Variants in SHC3 observed in about 807,000 individuals in gnomAD.
The protein encoded by SHC3 is SHC-transforming protein 3.
A neutral mutation model predicts 60.4 loss-of-function variants in SHC3; 15 were observed. The observed-to-expected ratio is 0.25, with a 90% CI of 0.17 to 0.38. The LOEUF (loss-of-function observed/expected upper bound fraction) is 0.38, where lower values mean the gene tolerates loss of function less well. Among genes scored for constraint, SHC3 ranks in the 10% least tolerant of loss-of-function variants. The probability of loss-of-function intolerance (pLI) is 1.00; values close to 1 mark genes in which losing one functional copy is unlikely to be tolerated. For missense variants in SHC3, 677 were observed against 786.1 expected (o/e 0.86, Z 1.66); for synonymous variants, 294 against 325.9 (o/e 0.90, Z 1.05).
chr9:89,171,459 T>C (rs1826868049), intron 1 of SHC3, among the ~76,000 whole-genome samples: 1 of 152,224 alleles, frequency 6.6e-6, no homozygotes. Flanking sequence ...TTCATACGAG[T>C]TTAAATTCTT....
At chr9:89,050,177 G>T (rs536145049) in intron 7 of SHC3, among the ~76,000 whole-genome samples, 1 of 152,180 alleles carries the variant, frequency 6.6e-6, no homozygotes, top group Non-Finnish European at 1.5e-5. Flanking sequence ...GGTGTAGGGG[G>T]TATATGCTTG....
At chr9:89,084,657 CT>C (rs1325430748) in intron 2 of SHC3, among the ~76,000 whole-genome samples, 1 of 152,194 alleles carries the variant, frequency 6.6e-6, no homozygotes, top group Non-Finnish European at 1.5e-5. Context: ...CTTTAGAATT[CT>C]AACAGTTGGG....
chr9:89,019,150 A>C (rs1188108014), intron 11 of SHC3, among the ~76,000 whole-genome samples: 1 of 152,130 alleles, frequency 6.6e-6, no homozygotes, highest in Admixed American at 6.5e-5. Context: ...AGAACAAGAC[A>C]AGGATATTCC....
In SHC3 at chr9:89,038,047, C is replaced by G; in HGVS notation, c.1602G>C (p.Thr534=). 1.2e-6 allele frequency: 2 copies of G among 1,613,636 alleles called. No homozygotes were observed. Among genetic ancestry groups the G allele is most frequent in the Non-Finnish European group, 1.7e-6 (2 of 1,180,022 alleles). ...STTNPGSFVL[T]GMHNGQAKHL... ...GCTTGGCCTGGCCATTGTGCATGCC[C>G]GTGAGGACAAAGGAGCCCGGGTTGG... Residue 534 remains threonine (T), a synonymous_variant, in exon 11 of 12, where the codon ACG becomes ACC. Transcript: ENST00000375835.
chr9:89,075,520 G>A (rs189511246), intron 3 of SHC3, among the ~76,000 whole-genome samples: 2 of 152,330 alleles, frequency 1.3e-5, no homozygotes, highest in East Asian at 1.9e-4. Context: ...GCCCTGTTGG[G>A]AAGTGTCTCA....
chr9:89,042,137 G>A lies in SHC3; in HGVS notation c.1249C>T (p.Pro417Ser). 1 of 1,565,074 alleles carries A rather than the reference G, an allele frequency of 6.4e-7. No homozygotes were observed. The highest frequency in any genetic ancestry group is 8.6e-7 in the Non-Finnish European group (1 of 1,163,144). The change falls in exon 10 of 12, where the codon CCC becomes TCC. Residue 417 changes from proline (P) to serine (S), a missense_variant. Physicochemically the swap from Pro to Ser is moderately conservative, Grantham distance 74. Transcript: ENST00000375835. The stretch of plus-strand genomic sequence containing the variant: ...ACGTAGGTGGGTGCTTCTCCCGTGG[G>A]GGCCACGTGCAGTTTCCCTTCTGGC... ...STPEGKLHVA[P>S]TGEAPTYVNT...
chr9:89,077,730 C>T (rs1040131048), intron 3 of SHC3, 110 bp downstream of exon 3: 20 of 1,330,254 alleles, frequency 1.5e-5, no homozygotes, highest in African/African-American at 8.6e-5. Context: ...TAGCAAGCGC[C>T]GGGCCACAGA....
At position 89,046,916 on chromosome 9, in the gene SHC3, G is replaced by C. The variant is rs147512584; in HGVS notation, c.1041C>G (p.Ser347Arg). The C allele has an allele frequency of 2.5e-6, 4 of 1,611,412 alleles. No individual in the cohort carries two copies. The Admixed American group carries it at 5.0e-5, about 20-fold the overall frequency. ...SDHPYYNSIPSKMPPPGGFLD... is the reference protein window; with the variant it reads ...SDHPYYNSIPRKMPPPGGFLD... ...GAAAGCCCCCTGGAGGAGGCATCTT[G>C]CTTGGGATGCTGTTGTAGTATGGGT... The change falls in exon 8 of 12, where the codon AGC (serine) becomes AGG (arginine). Residue 347 changes from serine to arginine, a missense_variant. Physicochemically the swap from Ser to Arg is moderately radical, Grantham distance 110. Coordinates refer to ENST00000375835, the MANE Select transcript of SHC3 (RefSeq NM_016848.6).
chr9:89,053,176 T>A (rs1824889199), intron 6 of SHC3, among the ~76,000 whole-genome samples: 1 of 152,140 alleles, frequency 6.6e-6, no homozygotes, highest in Non-Finnish European at 1.5e-5. Context: ...ATAAAGGAAT[T>A]CTCAGGAATT....
At chr9:89,124,854 TA>T (rs751551345) in intron 1 of SHC3, among the ~76,000 whole-genome samples, 1,516 of 139,616 alleles carry the variant, frequency 0.011, 17 homozygotes, top group East Asian at 0.016. Flanking sequence ...TAAAGTAAAA[TA>T]AAAAAAAAAA....
intron 2 of SHC3, among the ~76,000 whole-genome samples, chr9:89,080,859 C>A (rs893843089): frequency 6.6e-6 from 1 of 151,214 alleles, no homozygotes; most frequent in Non-Finnish European, 1.5e-5. Context: ...CTCCGCCTCC[C>A]GGGTTCACGC....
intron 1 of SHC3, among the ~76,000 whole-genome samples, chr9:89,157,437 G>A (rs1826638762): frequency 6.6e-6 from 1 of 152,196 alleles, no homozygotes; most frequent in South Asian, 2.1e-4. Flanking sequence ...CAGAACAAAT[G>A]AGCCCTGCAG....
intron 2 of SHC3, among the ~76,000 whole-genome samples, chr9:89,100,778 T>C (rs1015357444): frequency 2.0e-5 from 3 of 152,332 alleles, no homozygotes; most frequent in African/African-American, 7.2e-5. Context: ...TGGCATAGTG[T>C]TTTTGAGATC....
chr9:89,165,310 T>C (rs1205720960), intron 1 of SHC3, among the ~76,000 whole-genome samples: 2 of 151,384 alleles, frequency 1.3e-5, no homozygotes, highest in Non-Finnish European at 2.9e-5. Flanking sequence ...GAAATATAAG[T>C]AGCAGATCAT....
chr9:89,030,233 C>G lies in SHC3; in HGVS notation c.1656+7760G>C, dbSNP rs745428744. ...TAACAGAACACCAAAATACATAAAG[C>G]AAAATTAATAGGAATAAAAGGAGAA... On this transcript the variant is annotated intron_variant, in intron 11 of 11. Transcript: ENST00000375835. 4.6e-5 allele frequency among the ~76,000 whole-genome samples: 7 copies of G among 152,020 alleles called. No individual in the cohort carries two copies. The South Asian group carries it at 6.2e-4, about 14-fold the overall frequency.
intron 8 of SHC3, 120 bp from the exon 9 acceptor site, chr9:89,045,953 C>G (rs1277632109): frequency 1.2e-6 from 1 of 854,748 alleles, no homozygotes; most frequent in Admixed American, 2.3e-5. Flanking sequence ...CTCTGTTACA[C>G]CCAATTTTCC....
At chr9:89,169,523 G>A (rs897386444) in intron 1 of SHC3, among the ~76,000 whole-genome samples, 1 of 152,118 alleles carries the variant, frequency 6.6e-6, no homozygotes, top group African/African-American at 2.4e-5. Flanking sequence ...CAGTCACCAC[G>A]TGCCAACTTG....
At chr9:89,101,590 T>C (rs1351341187) in intron 2 of SHC3, among the ~76,000 whole-genome samples, 1 of 151,714 alleles carries the variant, frequency 6.6e-6, no homozygotes, top group African/African-American at 2.4e-5. Context: ...CTTTTCTGTA[T>C]CTGTTGAGAT....
rs1376301628 is a variant in SHC3, at chr9:89,007,775, C to T, written c.*5672G>A. The T allele has an allele frequency of 6.6e-6, 1 of 152,404 alleles. No homozygotes were observed. The highest frequency in any genetic ancestry group is 1.5e-5 in the Non-Finnish European group (1 of 68,168). The allele number at this position is 152,404 out of a possible 1,614,324, so 9.4% of individuals were successfully genotyped here. A position where few individuals can be genotyped will look rare whatever the true frequency, so the allele number is the denominator to read the frequency against. On this transcript the variant is annotated 3_prime_UTR_variant, in exon 12 of 12. Transcript: ENST00000375835. ...ACCTTCTTCTTTCTTTGTCTTCCCCCACTGGCTTCTCTGTCATTTCCCACA... is the reference window on the plus strand; with the variant it reads ...ACCTTCTTCTTTCTTTGTCTTCCCCTACTGGCTTCTCTGTCATTTCCCACA...
Sources: gnomAD v4.1 joint callset for allele counts (sites outside exome capture counted in the v4.1 genomes callset) on GRCh38, gnomAD v4.1.1 for gene constraint, MANE v1.5 for transcripts, NCBI Gene and HGNC (gene_info 2026-07-23, HGNC 2026-07-21) for gene names.